The following LRP12 variants were observed in gnomAD, a reference collection of about 807,000 sequenced individuals.
The protein encoded by LRP12 is LDL receptor related protein 12.
In LRP12, 14 loss-of-function variants were observed where a neutral mutation model predicts 66.0. The observed-to-expected ratio is 0.21, with a 90% confidence interval of 0.14 to 0.33. LRP12 has a LOEUF of 0.33. Among genes scored for constraint, LRP12 ranks in the 10% least tolerant of loss-of-function variants. The pLI, the probability that LRP12 is intolerant of heterozygous loss-of-function variation, is 1.00. For synonymous variants in LRP12, 357 were observed against 359.1 expected (o/e 0.99, Z 0.07); for missense variants, 889 against 1,053.4 (o/e 0.84, Z 2.16).
At chr8:104,530,274 C>G (rs1163431960) in intron 2 of LRP12, among the ~76,000 whole-genome samples, 1 of 152,100 alleles carries the variant, frequency 6.6e-6, no homozygotes, top group Non-Finnish European at 1.5e-5. Flanking sequence ...TGTCCCCCCT[C>G]AAGCCCATAT....
At chr8:104,578,728 C>T (rs552111954) in intron 1 of LRP12, among the ~76,000 whole-genome samples, 14 of 152,212 alleles carry the variant, frequency 9.2e-5, no homozygotes, top group South Asian at 2.1e-4. Context: ...GCTTATCCAC[C>T]GTGATCAAGT....
intron 1 of LRP12, among the ~76,000 whole-genome samples, chr8:104,561,024 G>A (rs1811899185): frequency 6.6e-6 from 1 of 152,174 alleles, no homozygotes; most frequent in Non-Finnish European, 1.5e-5. Flanking sequence ...GGACAAGCTA[G>A]TATATTTTAG....
chr8:104,565,423 G>A (rs994399367), intron 1 of LRP12, among the ~76,000 whole-genome samples: 1 of 152,008 alleles, frequency 6.6e-6, no homozygotes, highest in Admixed American at 6.5e-5. Flanking sequence ...AATGTTTAAC[G>A]TAAAAGTTAC....
intron 1 of LRP12, among the ~76,000 whole-genome samples, chr8:104,573,767 G>C (rs1409952563): frequency 6.6e-6 from 1 of 151,698 alleles, no homozygotes; most frequent in Admixed American, 6.6e-5. Context: ...GATCGTAAGT[G>C]CATCTAAAAG....
chr8:104,497,310 C>T lies in LRP12; in HGVS notation c.1242G>A (p.Gln414=), dbSNP rs1432942683. 2.0e-5 allele frequency: 33 copies of T among 1,614,054 alleles called. No individual in the cohort carries two copies. The highest frequency in any genetic ancestry group is 2.7e-5 in the African/African-American group (2 of 74,928). The change falls in exon 5 of 7, where the codon CAG becomes CAA. Residue 414 remains glutamine, a synonymous_variant. Transcript: ENST00000276654. This position sits in a 1 kb window ranked among gnomAD's most constrained non-coding sequence, Gnocchi z 4.3. ...GRDETNCTMC[Q]KEEFPCSRNG... ...TTCGGGAACATGGAAATTCTTCCTT[C>T]TGGCACATGGTACAATTGGTTTCAT...
chr8:104,526,920 C>T (rs1162072026), intron 2 of LRP12, among the ~76,000 whole-genome samples: 4 of 145,942 alleles, frequency 2.7e-5, no homozygotes, highest in South Asian at 2.1e-4. Context: ...AGAAAATTTT[C>T]GCAACCTACT....
At position 104,505,327 on chromosome 8, in the gene LRP12, T is replaced by C. The variant is rs1344318221; in HGVS notation, c.272+3612A>G. 7 of 152,082 alleles carry C rather than the reference T, an allele frequency of 4.6e-5. No homozygotes were observed. The East Asian group carries it at 1.3e-3, about 29-fold the overall frequency. The allele number at this position is 152,082 out of a possible 1,614,324, so 9.4% of individuals were successfully genotyped here. On this transcript the variant is annotated intron_variant, in intron 3 of 6. Coordinates refer to ENST00000276654, the MANE Select transcript of LRP12 (RefSeq NM_013437.5). The stretch of plus-strand genomic sequence containing the variant: ...TGGCCCATCTCCTTGTTTTTAGACA[T>C]TCTGTATTAGTTTTGTTTTAGATGT...
Position 104,490,417 on chromosome 8 carries a change from G to C in LRP12, c.*256C>G, listed in dbSNP as rs1212512570. On this transcript the variant is annotated 3_prime_UTR_variant, in exon 7 of 7. Coordinates refer to ENST00000276654, the MANE Select transcript of LRP12 (RefSeq NM_013437.5). The stretch of plus-strand genomic sequence containing the variant: ...CTACAGTGAACTACAGTATCAGGAT[G>C]AAAACAATCAGAAACAAATGAAAGG... The C allele has an allele frequency of 2.6e-6, 1 of 391,306 alleles. No homozygotes were observed. The highest frequency in any genetic ancestry group is 2.1e-5 in the African/African-American group (1 of 47,982). The allele number at this position is 391,306 out of a possible 1,614,324, so 24.2% of individuals were successfully genotyped here. A position where few individuals can be genotyped will look rare whatever the true frequency, so the allele number is the denominator to read the frequency against.
Position 104,588,881 on chromosome 8 carries a change from C to A in LRP12, c.17G>T (p.Ser6Ile), listed in dbSNP as rs753480482. ...CCTCCACCGCGGAGACTCTTTTGTG[C>A]TCCAGCGACAGGCCATAACCACAGC... MACRW[S>I]TKESPRWRSA... Residue 6 changes from serine to isoleucine, a missense_variant, in exon 1 of 7, where the codon AGC becomes ATC. Physicochemically the swap from Ser to Ile is moderately radical, Grantham distance 142 (BLOSUM62 -2). This residue lies in a region of LRP12 where 88 missense variants were observed against 72.5 expected (regional missense o/e 1.21). Coordinates refer to ENST00000276654, the MANE Select transcript of LRP12 (RefSeq NM_013437.5). 5 of 1,610,600 alleles carry A rather than the reference C, an allele frequency of 3.1e-6. No homozygotes were observed. Among genetic ancestry groups the A allele is most frequent in the Non-Finnish European group, 4.2e-6 (5 of 1,178,716 alleles).
At position 104,490,233 on chromosome 8, in the gene LRP12, T is replaced by G. The variant is rs1329693815; in HGVS notation, c.*440A>C. The G allele has an allele frequency of 6.5e-6, 1 of 154,028 alleles. No homozygotes were observed. The highest frequency in any genetic ancestry group is 1.4e-5 in the Non-Finnish European group (1 of 69,190). 9.5% of individuals were successfully genotyped at this position (154,028 alleles called of 1,614,324 possible). A position where few individuals can be genotyped will look rare whatever the true frequency, so the allele number is the denominator to read the frequency against. ...CAGGTGAGTATAAGGGTTTTTTTTT[T>G]GTACATTAACAACCTTAACATCTAG... On this transcript the variant is annotated 3_prime_UTR_variant, in exon 7 of 7. Transcript: ENST00000276654.
At chr8:104,562,234 G>A (rs1451886897) in intron 1 of LRP12, among the ~76,000 whole-genome samples, 2 of 152,084 alleles carry the variant, frequency 1.3e-5, no homozygotes, top group Admixed American at 6.6e-5. Flanking sequence ...AAAGCATTTA[G>A]AGCAATGACT....
chr8:104,528,466 G>A (rs954561348), intron 2 of LRP12, among the ~76,000 whole-genome samples: 3 of 151,992 alleles, frequency 2.0e-5, no homozygotes, highest in African/African-American at 2.4e-5. Flanking sequence ...CTATAGCTCC[G>A]TACTGGCCAC....
At chr8:104,584,335 A>G (rs548003464) in intron 1 of LRP12, among the ~76,000 whole-genome samples, 1 of 151,958 alleles carries the variant, frequency 6.6e-6, no homozygotes, top group Admixed American at 6.5e-5. Context: ...TTTCATATAT[A>G]TTTTTACTGA....
intron 1 of LRP12, among the ~76,000 whole-genome samples, chr8:104,534,562 A>T (rs1811369109): frequency 6.6e-6 from 1 of 152,066 alleles, no homozygotes; most frequent in African/African-American, 2.4e-5. Context: ...ACATATTAAA[A>T]TTTCATTAAA....
chr8:104,562,274 G>A (rs1811924021), intron 1 of LRP12, among the ~76,000 whole-genome samples: 1 of 151,984 alleles, frequency 6.6e-6, no homozygotes, highest in Admixed American at 6.6e-5. Flanking sequence ...TACAAATTAG[G>A]TATTATTTTT....
At chr8:104,543,742 T>C (rs1811512667) in intron 1 of LRP12, among the ~76,000 whole-genome samples, 1 of 152,136 alleles carries the variant, frequency 6.6e-6, no homozygotes, top group Non-Finnish European at 1.5e-5. Flanking sequence ...GACAACATGG[T>C]GAAACCCTGT....
chr8:104,572,471 T>A (rs1008635684), intron 1 of LRP12, among the ~76,000 whole-genome samples: 6 of 151,262 alleles, frequency 4.0e-5, no homozygotes, highest in Non-Finnish European at 7.4e-5. Flanking sequence ...AAAGAAATAG[T>A]GAAAGAAAAT....
chr8:104,550,392 A>T (rs1811708023), intron 1 of LRP12, among the ~76,000 whole-genome samples: 1 of 152,098 alleles, frequency 6.6e-6, no homozygotes, highest in Non-Finnish European at 1.5e-5. Context: ...TTTCACAATC[A>T]CCTTATGAAG....
chr8:104,584,597 T>A (rs573360956), intron 1 of LRP12, among the ~76,000 whole-genome samples: 1 of 152,294 alleles, frequency 6.6e-6, no homozygotes, highest in South Asian at 2.1e-4. Context: ...CCATACATCA[T>A]TCAAATCTCC....
Sources: gnomAD v4.1 joint callset for allele counts (sites outside exome capture counted in the v4.1 genomes callset) on GRCh38, gnomAD v4.1.1 for gene constraint, gnomAD v4.1.1 regional missense constraint, Gnocchi (gnomAD v3.1) non-coding constraint, MANE v1.5 for transcripts, NCBI Gene and HGNC (gene_info 2026-07-23, HGNC 2026-07-21) for gene names.